Variants in RNFT2 observed in about 807,000 individuals in gnomAD.
RNFT2 encodes the protein E3 ubiquitin-protein ligase RNFT2.
Under a neutral mutation model 53.0 loss-of-function variants are expected in RNFT2, and 36 were observed. That is an observed-to-expected ratio of 0.68 (90% CI 0.52 to 0.90). The LOEUF (loss-of-function observed/expected upper bound fraction) is 0.90, where lower values mean the gene tolerates loss of function less well. Among genes scored for constraint, RNFT2 ranks in the 40% least tolerant of loss-of-function variants. The pLI is 0.00. For missense variants in RNFT2, 514 were observed against 585.6 expected (o/e 0.88, Z 1.26); for synonymous variants, 260 against 253.2 (o/e 1.03, Z -0.26).
chr12:116,816,789 C>T (rs1000304007), intron 7 of RNFT2, among the ~76,000 whole-genome samples: 1 of 152,066 alleles, frequency 6.6e-6, no homozygotes, highest in Admixed American at 6.6e-5. Context: ...AAAATTTCAG[C>T]TTGTGGCCTT....
Position 116,804,341 on chromosome 12 carries a change from G to A in RNFT2, c.882+24993G>A, listed in dbSNP as rs745821209. Among the ~76,000 whole-genome samples, 32 of 152,300 alleles carry A rather than the reference G, an allele frequency of 2.1e-4. No homozygotes were observed. The Middle Eastern group carries it at 0.01, about 49-fold the overall frequency. ...CCAGACCTACTGATTCAGAAACTGT[G>A]AGGTGGGGCCAGCAGTCTGTGCCTT... On this transcript the variant is annotated intron_variant, in intron 7 of 10. Coordinates refer to ENST00000257575, the MANE Select transcript of RNFT2 (RefSeq NM_001382266.1).
intron 6 of RNFT2, among the ~76,000 whole-genome samples, chr12:116,768,026 A>C (rs1157344395): frequency 2.0e-5 from 3 of 152,086 alleles, no homozygotes. Flanking sequence ...TGGAAGGACA[A>C]CCAAGAAACT....
At chr12:116,806,939 G>C (rs958185630) in intron 7 of RNFT2, among the ~76,000 whole-genome samples, 3 of 151,946 alleles carry the variant, frequency 2.0e-5, no homozygotes, top group Non-Finnish European at 1.5e-5. Flanking sequence ...TGGGATTTTT[G>C]CTCCTCATTT....
intron 5 of RNFT2, among the ~76,000 whole-genome samples, chr12:116,763,575 T>G (rs929143900): frequency 3.3e-5 from 5 of 150,732 alleles, no homozygotes; most frequent in Non-Finnish European, 7.4e-5. Flanking sequence ...GAGACCATCC[T>G]GGCTAACACA....
chr12:116,795,222 A>T (rs886597735), intron 7 of RNFT2, among the ~76,000 whole-genome samples: 3 of 152,086 alleles, frequency 2.0e-5, no homozygotes, highest in African/African-American at 7.2e-5. Context: ...CCTGGCCAAC[A>T]TGGCAAAACC....
chr12:116,773,558 C>A (rs1029293691), intron 6 of RNFT2, among the ~76,000 whole-genome samples: 1 of 152,200 alleles, frequency 6.6e-6, no homozygotes, highest in Non-Finnish European at 1.5e-5. Context: ...GTTGGCTTTT[C>A]ATGGGCCAGA....
At chr12:116,806,379 A>T (rs9737620) in intron 7 of RNFT2, among the ~76,000 whole-genome samples, 2,488 of 129,682 alleles carry the variant, frequency 0.019, 39 homozygotes, top group Non-Finnish European at 0.025. Flanking sequence ...AAAAAAAAAA[A>T]AAATATATAT....
chr12:116,753,344 T>C (rs1409503829), intron 4 of RNFT2, among the ~76,000 whole-genome samples: 1 of 152,048 alleles, frequency 6.6e-6, no homozygotes, highest in Non-Finnish European at 1.5e-5. Context: ...AGAGATGTGA[T>C]TTCACCATGT....
chr12:116,752,305 G>A (rs1191478316), intron 4 of RNFT2, among the ~76,000 whole-genome samples: 1 of 152,104 alleles, frequency 6.6e-6, no homozygotes, highest in African/African-American at 2.4e-5. Context: ...CCTTGCTGGG[G>A]TGCTGCCCTA....
chr12:116,753,263 G>A (rs1483308243), intron 4 of RNFT2, among the ~76,000 whole-genome samples: 1 of 142,610 alleles, frequency 7.0e-6, no homozygotes, highest in Non-Finnish European at 1.5e-5. Context: ...CAGTTCTTGT[G>A]CCTCAGCCTC....
At chr12:116,768,432 C>T (rs543351114) in intron 6 of RNFT2, among the ~76,000 whole-genome samples, 2 of 152,210 alleles carry the variant, frequency 1.3e-5, no homozygotes, top group South Asian at 2.1e-4. Context: ...AGTCATGTGT[C>T]ACGTAATGAT....
chr12:116,782,127 T>C (rs1448363803), intron 7 of RNFT2: 1 of 134,408 alleles, frequency 7.4e-6, no homozygotes, highest in East Asian at 2.3e-4. Context: ...GCAGCACATA[T>C]ACTAAAACTG....
At chr12:116,841,638 C>T (rs1198800571) in intron 10 of RNFT2, among the ~76,000 whole-genome samples, 3 of 149,372 alleles carry the variant, frequency 2.0e-5, no homozygotes, top group Non-Finnish European at 3.0e-5. Flanking sequence ...GTCCCAGCTA[C>T]TCGGGAGTCT....
chr12:116,820,005 A>T (rs1875924613), intron 7 of RNFT2, among the ~76,000 whole-genome samples: 1 of 152,256 alleles, frequency 6.6e-6, no homozygotes, highest in South Asian at 2.1e-4. Context: ...TAATCAACAT[A>T]AAATTTTTAA....
chr12:116,768,815 C>G (rs1873037673), intron 6 of RNFT2, among the ~76,000 whole-genome samples: 1 of 150,642 alleles, frequency 6.6e-6, no homozygotes, highest in Non-Finnish European at 1.5e-5. Context: ...ACTGCAACCT[C>G]CGCCTCCCAG....
chr12:116,797,905 G>A lies in RNFT2; in HGVS notation c.882+18557G>A, dbSNP rs922942241. 5.3e-5 allele frequency among the ~76,000 whole-genome samples: 8 copies of A among 152,194 alleles called. No individual in the cohort carries two copies. In the East Asian group the frequency reaches 5.8e-4, roughly 11 times the overall value. On this transcript the variant is annotated intron_variant, in intron 7 of 10. Transcript: ENST00000257575. ...TCACTGGGTGATGGTCATGGAAAGC[G>A]GTGGTAACTCCTGGGTTTTGCCATG...
chr12:116,852,586 A>G lies in RNFT2; in HGVS notation c.*3138A>G, dbSNP rs1210168138. The G allele has an allele frequency of 6.2e-7, 1 of 1,613,076 alleles. No individual in the cohort carries two copies. The highest frequency in any genetic ancestry group is 1.3e-5 in the African/African-American group (1 of 74,900). ...TCTGTTCTCCCTACCCTGAGGAAAAACCAAAGGGAAGCAACAGGAACTTCT... is the reference window on the plus strand; with the variant it reads ...TCTGTTCTCCCTACCCTGAGGAAAAGCCAAAGGGAAGCAACAGGAACTTCT... On this transcript the variant is annotated 3_prime_UTR_variant, in exon 11 of 11. Transcript: ENST00000257575.
chr12:116,848,305 G>A (rs1021499304), intron 10 of RNFT2, among the ~76,000 whole-genome samples: 1 of 152,092 alleles, frequency 6.6e-6, no homozygotes, highest in Non-Finnish European at 1.5e-5. Flanking sequence ...TGCAGTGAAC[G>A]TATGCGTGCA....
chr12:116,784,565 A>G (rs1321209553), intron 7 of RNFT2, among the ~76,000 whole-genome samples: 1 of 152,054 alleles, frequency 6.6e-6, no homozygotes, highest in Non-Finnish European at 1.5e-5. Flanking sequence ...TAGTAGACCC[A>G]TTTTCAAGAA....
Sources: gnomAD v4.1 joint callset for allele counts (sites outside exome capture counted in the v4.1 genomes callset) on GRCh38, gnomAD v4.1.1 for gene constraint, MANE v1.5 for transcripts, NCBI Gene and HGNC (gene_info 2026-07-23, HGNC 2026-07-21) for gene names.